GAB2: variants seen among roughly 807,000 people sequenced by gnomAD.
The protein encoded by GAB2 is GRB2 associated binding protein 2.
A neutral mutation model predicts 65.5 loss-of-function variants in GAB2; 26 were observed. The ratio of observed to expected loss-of-function variants is 0.40; its 90% CI spans 0.29 to 0.55. The LOEUF (loss-of-function observed/expected upper bound fraction) is 0.55, where lower values mean the gene tolerates loss of function less well. Among genes scored for constraint, GAB2 ranks in the 20% least tolerant of loss-of-function variants. The pLI is 0.53. For missense variants in GAB2, 884 were observed against 875.8 expected (o/e 1.01, Z -0.12); for synonymous variants, 321 against 329.6 (o/e 0.97, Z 0.28).
In GAB2 at chr11:78,222,326, C is replaced by G. The variant is rs143075908; in HGVS notation, c.1568-131G>C. 1.6e-4 allele frequency: 105 copies of G among 651,166 alleles called. No homozygotes were observed. The African/African-American group carries it at 1.7e-3, about 11-fold the overall frequency. 40.3% of individuals were successfully genotyped at this position (651,166 alleles called of 1,614,324 possible). On this transcript the variant is annotated intron_variant, in intron 6 of 9. Coordinates refer to ENST00000361507, the MANE Select transcript of GAB2 (RefSeq NM_080491.3). ...TTCCAGTTTCACACAGGGAAACTGA[C>G]GCTCAGCGAGGTTGTATAATCTTTG...
chr11:78,312,602 T>C (rs1054598400), intron 1 of GAB2, among the ~76,000 whole-genome samples: 9 of 152,032 alleles, frequency 5.9e-5, no homozygotes, highest in Non-Finnish European at 1.3e-4. Context: ...ATTTTTTTTG[T>C]AGTTTTAGTA....
At chr11:78,368,220 C>A (rs1231587526) in intron 1 of GAB2, among the ~76,000 whole-genome samples, 1 of 152,174 alleles carries the variant, frequency 6.6e-6, no homozygotes, top group African/African-American at 2.4e-5. Context: ...AATGGCAAGA[C>A]CATTTTGTTC....
At chr11:78,220,543 C>A in intron 8 of GAB2, 99 bp from the exon 9 acceptor site, 2 of 1,038,222 alleles carry the variant, frequency 1.9e-6, no homozygotes, top group Middle Eastern at 4.3e-4. Flanking sequence ...TTTCCCTGAG[C>A]CCTACTCTGA....
intron 1 of GAB2, among the ~76,000 whole-genome samples, chr11:78,286,903 C>G (rs1866500997): frequency 6.6e-6 from 1 of 152,134 alleles, no homozygotes; most frequent in Non-Finnish European, 1.5e-5. Flanking sequence ...GACATGAGTC[C>G]TGAATATGCT....
In GAB2 at chr11:78,250,365, G is replaced by A. The variant is rs1462010766; in HGVS notation, c.412C>T (p.Pro138Ser). 6.2e-7 allele frequency: 1 copy of A among 1,613,024 alleles called. No homozygotes were observed. The highest frequency in any genetic ancestry group is 1.3e-5 in the African/African-American group (1 of 74,738). ...LRNVSSAGHG[P>S]RSSPAELSSS... ...CTGAGCTCAGCTGGAGAAGAGCGGG[G>A]GCCATGACCGGCTGAGGAAACATTT... Residue 138 changes from proline to serine, a missense_variant, in exon 3 of 10, where the codon CCC becomes TCC. By Grantham distance (74) the Pro-to-Ser change is moderately conservative. Coordinates refer to ENST00000361507, the MANE Select transcript of GAB2 (RefSeq NM_080491.3).
chr11:78,279,545 C>T (rs1590993729), intron 2 of GAB2, among the ~76,000 whole-genome samples: 2 of 152,130 alleles, frequency 1.3e-5, no homozygotes, highest in East Asian at 3.9e-4. Flanking sequence ...GTACAAATAT[C>T]ATCACTATCT....
chr11:78,365,869 T>C (rs1856489700), intron 1 of GAB2, among the ~76,000 whole-genome samples: 1 of 152,234 alleles, frequency 6.6e-6, no homozygotes, highest in Admixed American at 6.5e-5. Context: ...AAGTCCTCCA[T>C]AATTCTATCC....
intron 1 of GAB2, among the ~76,000 whole-genome samples, chr11:78,345,594 A>T (rs544924894): frequency 6.6e-6 from 1 of 152,328 alleles, no homozygotes; most frequent in African/African-American, 2.4e-5. Context: ...GGGTGGTCTC[A>T]GCACCATTAA....
intron 1 of GAB2, among the ~76,000 whole-genome samples, chr11:78,326,295 T>C (rs1855821563): frequency 6.6e-6 from 1 of 152,208 alleles, no homozygotes; most frequent in Non-Finnish European, 1.5e-5. Context: ...CACAACTTGA[T>C]GTCAGAGGAG....
At position 78,286,556 on chromosome 11, in the gene GAB2, C is replaced by A. The variant is rs111643848; in HGVS notation, c.76-5655G>T. Among the ~76,000 whole-genome samples the A allele has an allele frequency of 3.0e-3, 452 of 152,168 alleles. 2 individuals are homozygous for A. The highest frequency in any genetic ancestry group is 0.01 in the African/African-American group (420 of 41,524). ...AAACTACATGGCAGAGTGCTTAACA[C>A]ATATAGGAGCTCAGGGAAGATCTGT... is the stretch of plus-strand genomic sequence containing the variant. On this transcript the variant is annotated intron_variant, in intron 1 of 9. Transcript: ENST00000361507.
At chr11:78,390,657 G>C (rs1387666436) in intron 1 of GAB2, among the ~76,000 whole-genome samples, 3 of 152,154 alleles carry the variant, frequency 2.0e-5, no homozygotes, top group Non-Finnish European at 4.4e-5. Context: ...GAGACTTTGA[G>C]ACAGATGTCC....
At chr11:78,303,934 C>T (rs1855294527) in intron 1 of GAB2, among the ~76,000 whole-genome samples, 1 of 152,078 alleles carries the variant, frequency 6.6e-6, no homozygotes, top group African/African-American at 2.4e-5. Flanking sequence ...GAACTGATCT[C>T]AGTTATATCC....
At position 78,268,677 on chromosome 11, in the gene GAB2, G is replaced by A. The variant is rs76317603; in HGVS notation, c.376+11924C>T. ...TCTAACAGTCTTTGGGTTTTGGCAG[G>A]TAACACTAGACTATCTATGCTGGCT... On this transcript the variant is annotated intron_variant, in intron 2 of 9. Transcript: ENST00000361507. Among the ~76,000 whole-genome samples, 156 of 151,580 alleles carry A rather than the reference G, an allele frequency of 1.0e-3. 1 individual carries two copies. The East Asian group carries it at 0.024, about 23-fold the overall frequency.
chr11:78,336,274 A>G (rs1855996323), intron 1 of GAB2, among the ~76,000 whole-genome samples: 1 of 130,906 alleles, frequency 7.6e-6, no homozygotes, highest in Non-Finnish European at 1.6e-5. Flanking sequence ...AGATCGCACC[A>G]CTGCACTCAC....
chr11:78,316,910 G>A (rs1855619074), intron 1 of GAB2, among the ~76,000 whole-genome samples: 1 of 152,198 alleles, frequency 6.6e-6, no homozygotes, highest in Non-Finnish European at 1.5e-5. Context: ...GATGAATGGA[G>A]ATATAAAACA....
At chr11:78,230,041 T>C (rs1245456373) in intron 3 of GAB2, among the ~76,000 whole-genome samples, 1 of 152,242 alleles carries the variant, frequency 6.6e-6, no homozygotes, top group Non-Finnish European at 1.5e-5. Context: ...GCCAACAGAC[T>C]GTGATTTCCT....
intron 1 of GAB2, among the ~76,000 whole-genome samples, chr11:78,291,561 C>CTTTTTTTTTTTTTTT (rs1163199130): frequency 7.4e-5 from 6 of 80,898 alleles, no homozygotes; most frequent in Non-Finnish European, 1.1e-4. Context: ...TTTTCTTTTT[C>CTTTTTTTTTTTTTTT]TTTTTTTTTT....
intron 1 of GAB2, among the ~76,000 whole-genome samples, chr11:78,415,808 A>AGAGTC (rs889515750): frequency 2.0e-5 from 3 of 152,238 alleles, no homozygotes; most frequent in African/African-American, 7.2e-5. Flanking sequence ...AATGGGTCAT[A>AGAGTC]GAGTCTGGGT....
intron 1 of GAB2, among the ~76,000 whole-genome samples, chr11:78,408,987 C>T (rs757703076): frequency 6.6e-6 from 1 of 152,078 alleles, no homozygotes; most frequent in Non-Finnish European, 1.5e-5. Flanking sequence ...AGTGCGAGAA[C>T]GGATTAATAC....
Sources: allele counts gnomAD v4.1 joint callset (sites outside exome capture counted in the v4.1 genomes callset), GRCh38; gene constraint gnomAD v4.1.1; transcripts MANE v1.5; gene names NCBI Gene and HGNC (gene_info 2026-07-23, HGNC 2026-07-21).